NKTR: variants seen among roughly 807,000 people sequenced by gnomAD.
NKTR encodes the protein natural killer cell triggering receptor, also known as NK-tumor recognition protein.
NKTR carries 67 observed loss-of-function variants against 156.3 expected under a neutral mutation model. The ratio of observed to expected loss-of-function variants is 0.43; its 90% CI spans 0.35 to 0.53. The LOEUF is 0.53. NKTR is among the 20% of genes least tolerant of loss of function. The pLI is 0.01. For missense variants in NKTR, 1,604 were observed against 1,730.9 expected (o/e 0.93, Z 1.30); for synonymous variants, 640 against 596.6 (o/e 1.07, Z -1.06).
chr3:42,615,689 T>C (rs1707289541), intron 2 of NKTR, among the ~76,000 whole-genome samples: 1 of 152,182 alleles, frequency 6.6e-6, no homozygotes, highest in Non-Finnish European at 1.5e-5. Context: ...GTAGCCATCT[T>C]ACAGGGATTG....
chr3:42,619,798 T>TATA, intron 5 of NKTR, 90 bp downstream of exon 5: 1 of 1,550,908 alleles, frequency 6.4e-7, no homozygotes, highest in Non-Finnish European at 8.7e-7. Context: ...GGTTTACTTA[T>TATA]AGTTCACTTT....
chr3:42,639,757 A>G lies in NKTR; in HGVS notation c.4046+7A>G, dbSNP rs1709718614. On this transcript the variant is annotated splice_region_variant and intron_variant, in intron 13 of 16. Coordinates refer to ENST00000232978, the MANE Select transcript of NKTR (RefSeq NM_005385.4). ...GTTCCACATCATCTTATCGGTGAGC[A>G]ATATTCTCTTTCCTTTCTTCTCCCA... The G allele has an allele frequency of 1.9e-6, 3 of 1,573,476 alleles. No individual in the cohort carries two copies. Among genetic ancestry groups the G allele is most frequent in the Non-Finnish European group, 2.6e-6 (3 of 1,154,424 alleles).
At chr3:42,624,331 C>T (rs1439657889) in intron 6 of NKTR, among the ~76,000 whole-genome samples, 1 of 151,654 alleles carries the variant, frequency 6.6e-6, no homozygotes, top group Non-Finnish European at 1.5e-5. Flanking sequence ...GCACTATACC[C>T]ATGAATCACT....
At position 42,638,574 on chromosome 3, in the gene NKTR, C is replaced by T; in HGVS notation, c.2870C>T (p.Thr957Ile). The T allele has an allele frequency of 6.2e-7, 1 of 1,614,080 alleles. No homozygotes were observed. Among genetic ancestry groups the T allele is most frequent in the Non-Finnish European group, 8.5e-7 (1 of 1,179,998 alleles). Residue 957 changes from threonine (T) to isoleucine (I), a missense_variant, in exon 13 of 17, where the codon ACT becomes ATT. By Grantham distance (89) the Thr-to-Ile change is moderately conservative (BLOSUM62 -1). Coordinates refer to ENST00000232978, the MANE Select transcript of NKTR (RefSeq NM_005385.4). ...AWKSSKQRTS[T>I]SDSEGSCSNS... ...AAATCAAGCAAACAGCGCACATCAA[C>T]TTCTGACTCTGAGGGGTCCTGTTCC... is the stretch of plus-strand genomic sequence containing the variant.
rs571308985 is a variant in NKTR at position 42,623,969 on chromosome 3, G to C, written c.374+2453G>C. ...TCTGTTACTTTGCAATTCCTAAGGA[G>C]TAGATTTGGTGCTGTTAGTATGGGT... On this transcript the variant is annotated intron_variant, in intron 6 of 16. Coordinates refer to ENST00000232978, the MANE Select transcript of NKTR (RefSeq NM_005385.4). 6.6e-5 allele frequency among the ~76,000 whole-genome samples: 10 copies of C among 152,224 alleles called. No individual in the cohort carries two copies. In the East Asian group the frequency reaches 1.9e-3, roughly 29 times the overall value.
intron 2 of NKTR, among the ~76,000 whole-genome samples, chr3:42,607,087 A>G (rs1223808968): frequency 2.6e-5 from 4 of 152,224 alleles, no homozygotes; most frequent in African/African-American, 9.6e-5. Flanking sequence ...GTTCTAACAT[A>G]AAGGTTAAAT....
chr3:42,620,380 G>T, intron 5 of NKTR: 2 of 1,045,344 alleles, frequency 1.9e-6, no homozygotes, highest in Non-Finnish European at 2.3e-6. Flanking sequence ...CATAATAGTA[G>T]CATCTGCATA....
At chr3:42,627,958 A>G (rs1708550647) in intron 6 of NKTR, 1 of 985,232 alleles carries the variant, frequency 1.0e-6, no homozygotes, top group Non-Finnish European at 1.2e-6. Flanking sequence ...GTAGAATTGA[A>G]TAGTCTGGAT....
Position 42,637,979 on chromosome 3 carries a change from CTT to C in NKTR, c.2276_2277del (p.Leu759GlnfsTer8). The part of the protein sequence containing the change: ...SDDGRRAKRR[L>X]RSSGKKNSVS... ...TGATGGAAGGCGAGCTAAGAGGAGA[CTT>C]AGATCCAGTGGGAAAAAAAATAGCG... is the stretch of plus-strand genomic sequence containing the variant. On this transcript the variant is annotated frameshift_variant, in exon 13 of 17. Transcript: ENST00000232978. LOFTEE classifies it high-confidence loss of function. 6.2e-7 allele frequency: 1 copy of C among 1,613,950 alleles called. No individual in the cohort carries two copies. The highest frequency in any genetic ancestry group is 8.5e-7 in the Non-Finnish European group (1 of 1,179,948).
At position 42,637,524 on chromosome 3, in the gene NKTR, T is replaced by C. The variant is rs201854197; in HGVS notation, c.1820T>C (p.Val607Ala). The C allele has an allele frequency of 1.2e-6, 2 of 1,614,022 alleles. No homozygotes were observed. Among genetic ancestry groups the C allele is most frequent in the Non-Finnish European group, 1.7e-6 (2 of 1,180,016 alleles). ...VQPVVAENIP[V>A]IPLSDSPPPS... ...CCAGTTGTAGCAGAAAATATTCCTG[T>C]AATACCACTGAGTGACAGTCCCCCC... Residue 607 changes from valine (V) to alanine (A), a missense_variant, in exon 13 of 17, where the codon GTA becomes GCA. Coordinates refer to ENST00000232978, the MANE Select transcript of NKTR (RefSeq NM_005385.4).
chr3:42,608,369 AG>A (rs1335768152), intron 2 of NKTR, among the ~76,000 whole-genome samples: 1 of 152,124 alleles, frequency 6.6e-6, no homozygotes, highest in African/African-American at 2.4e-5. Context: ...CACAGAACTT[AG>A]GAAGCCAGTT....
chr3:42,647,029 A>G lies in NKTR; in HGVS notation c.*1054A>G, dbSNP rs1367834097. Reference sequence around the variant, plus strand: ...ATCTAACTGCCACCATCCTGGAGACATTTTGCAGGGCTTTCCTTTCAAGTC... The same window carrying G: ...ATCTAACTGCCACCATCCTGGAGACGTTTTGCAGGGCTTTCCTTTCAAGTC... On this transcript the variant is annotated 3_prime_UTR_variant, in exon 17 of 17. Transcript: ENST00000232978. 1 of 152,042 alleles carries G rather than the reference A, an allele frequency of 6.6e-6. No homozygotes were observed. Among genetic ancestry groups the G allele is most frequent in the East Asian group, 1.9e-4 (1 of 5,180 alleles). The allele number at this position is 152,042 out of a possible 1,614,324, so 9.4% of individuals were successfully genotyped here.
At position 42,647,570 on chromosome 3, in the gene NKTR, G is replaced by A. The variant is rs1160569718; in HGVS notation, c.*1595G>A. On this transcript the variant is annotated 3_prime_UTR_variant, in exon 17 of 17. Transcript: ENST00000232978. Reference sequence around the variant, plus strand: ...GAAGGTATGAAAACAGGGTAAGGTGGTCAGTTGTTTGCCAGGTCAATAGAC... The same window carrying A: ...GAAGGTATGAAAACAGGGTAAGGTGATCAGTTGTTTGCCAGGTCAATAGAC... 6.6e-6 allele frequency: 1 copy of A among 152,094 alleles called. No homozygotes were observed. Among genetic ancestry groups the A allele is most frequent in the African/African-American group, 2.4e-5 (1 of 41,400 alleles). The allele number at this position is 152,094 out of a possible 1,614,324, so 9.4% of individuals were successfully genotyped here.
chr3:42,631,438 A>G, intron 8 of NKTR, 122 bp downstream of exon 8: 1 of 1,089,512 alleles, frequency 9.2e-7, no homozygotes, highest in Non-Finnish European at 1.3e-6. Flanking sequence ...CCTGAATCAT[A>G]CCCTACATGT....
intron 6 of NKTR, among the ~76,000 whole-genome samples, chr3:42,622,983 G>C (rs1247826730): frequency 6.6e-6 from 1 of 151,898 alleles, no homozygotes; most frequent in African/African-American, 2.4e-5. Context: ...GCAGCTTCTT[G>C]ATATTGTTAC....
intron 2 of NKTR, 173 bp downstream of exon 2, chr3:42,601,237 C>G (rs957340342): frequency 4.0e-6 from 2 of 495,140 alleles, no homozygotes; most frequent in Non-Finnish European, 7.1e-6. Flanking sequence ...CCTGGGCACA[C>G]CCCTAACTCG....
At chr3:42,636,125 C>T (rs965666622) in intron 12 of NKTR, among the ~76,000 whole-genome samples, 2 of 152,088 alleles carry the variant, frequency 1.3e-5, no homozygotes, top group African/African-American at 4.8e-5. Context: ...GGATAGGCCC[C>T]AGAATAGCTA....
In NKTR at chr3:42,634,662, T is replaced by G; in HGVS notation, c.979T>G (p.Ser327Ala). The G allele has an allele frequency of 6.2e-7, 1 of 1,605,444 alleles. No homozygotes were observed. The highest frequency in any genetic ancestry group is 8.5e-7 in the Non-Finnish European group (1 of 1,174,940). ...TGTAAGTGATCAGAAACCATCTGTA[T>G]CAAAGTCTGGACGGAAGATTAAAGG... is the stretch of plus-strand genomic sequence containing the variant. Reference protein sequence around the residue: ...PIVSDQKPSVSKSGRKIKGRG... With the variant: ...PIVSDQKPSVAKSGRKIKGRG... The change falls in exon 11 of 17, where the codon TCA becomes GCA. Residue 327 changes from serine to alanine, a missense_variant. Ser to Ala is a moderately conservative substitution (Grantham distance 99). Coordinates refer to ENST00000232978, the MANE Select transcript of NKTR (RefSeq NM_005385.4).
rs1338131556 is a variant in NKTR at position 42,633,723 on chromosome 3, C to T, written c.917C>T (p.Ala306Val). The part of the protein sequence containing the change: ...LLRRDMPVVT[A>V]EPEPKIPDVA... Reference sequence around the variant, plus strand: ...AGAAGAGATATGCCTGTTGTTACTGCAGAACCTGAACCGTAAGTAGGATGA... The same window carrying T: ...AGAAGAGATATGCCTGTTGTTACTGTAGAACCTGAACCGTAAGTAGGATGA... Residue 306 changes from alanine to valine, a missense_variant, in exon 10 of 17, where the codon GCA (alanine) becomes GTA (valine). Ala to Val is a moderately conservative substitution (Grantham distance 64). Around this residue, in one of 6 missense-constraint regions of NKTR, gnomAD observed 1,255 missense variants for 1,243.7 expected, o/e 1.01. Transcript: ENST00000232978. The T allele has an allele frequency of 1.9e-6, 3 of 1,613,982 alleles. No individual in the cohort carries two copies. In the East Asian group the frequency reaches 6.7e-5, roughly 36 times the overall value.
Sources: allele counts gnomAD v4.1 joint callset (sites outside exome capture counted in the v4.1 genomes callset), GRCh38; gene constraint gnomAD v4.1.1; regional missense constraint gnomAD v4.1.1; transcripts MANE v1.5; gene names NCBI Gene and HGNC (gene_info 2026-07-23, HGNC 2026-07-21).